Variants in ZEB2 observed in about 807,000 individuals in gnomAD.
The protein encoded by ZEB2 is zinc finger E-box binding homeobox 2, also known as zinc finger E-box-binding homeobox 2.
In ZEB2, 6 loss-of-function variants were observed where a neutral mutation model predicts 99.9. The ratio of observed to expected loss-of-function variants is 0.06; its 90% CI spans 0.03 to 0.12. The LOEUF is 0.12. Ranked by LOEUF, ZEB2 falls within the 10% of genes least tolerant of loss-of-function variation. The pLI is 1.00. For missense variants in ZEB2, 969 were observed against 1,502.8 expected (o/e 0.64, Z 5.87); for synonymous variants, 517 against 542.5 (o/e 0.95, Z 0.65).
chr2:144,405,336 C>T (rs1703372322), intron 4 of ZEB2: 1 of 332,642 alleles, frequency 3.0e-6, no homozygotes, highest in Non-Finnish European at 5.6e-6. Flanking sequence ...TTTAAAAAGC[C>T]AACAACTGCA....
intron 2 of ZEB2, among the ~76,000 whole-genome samples, chr2:144,438,295 G>C (rs1459415488): frequency 6.6e-6 from 1 of 152,166 alleles, no homozygotes; most frequent in African/African-American, 2.4e-5. Flanking sequence ...GTACCGTAAT[G>C]CTTCTACTCC....
At chr2:144,449,040 T>C (rs753637175) in intron 2 of ZEB2, among the ~76,000 whole-genome samples, 5 of 152,186 alleles carry the variant, frequency 3.3e-5, no homozygotes, top group Non-Finnish European at 5.9e-5. Context: ...GCCTTGGAAA[T>C]CCCTGAGAAG....
intron 2 of ZEB2, among the ~76,000 whole-genome samples, chr2:144,446,740 C>T (rs761856137): frequency 2.0e-5 from 3 of 151,888 alleles, no homozygotes; most frequent in Non-Finnish European, 2.9e-5. Context: ...ATTGGCTGGA[C>T]GCGGTGGCTC....
intron 2 of ZEB2, among the ~76,000 whole-genome samples, chr2:144,434,473 C>T (rs1050050470): frequency 4.6e-5 from 7 of 152,098 alleles, no homozygotes; most frequent in Admixed American, 3.3e-4. Context: ...TTGTCAAAGG[C>T]CGTACAGCTA....
At chr2:144,471,992 T>C (rs185955691) in intron 2 of ZEB2, among the ~76,000 whole-genome samples, 142 of 152,262 alleles carry the variant, frequency 9.3e-4, no homozygotes, top group Non-Finnish European at 1.6e-3. Flanking sequence ...AATAAGTATG[T>C]AGAACACTTA....
At position 144,387,301 on chromosome 2, in the gene ZEB2, A is replaced by G. The variant is rs1482591336; in HGVS notation, c.*2150T>C. The stretch of plus-strand genomic sequence containing the variant: ...TATATTATAGTTCTGTATATTCAAG[A>G]GCTGTAAATTTGATAAGGTAATCTG... On this transcript the variant is annotated 3_prime_UTR_variant, in exon 10 of 10. Coordinates refer to ENST00000627532, the MANE Select transcript of ZEB2 (RefSeq NM_014795.4). The G allele has an allele frequency of 6.6e-6, 1 of 152,024 alleles. No homozygotes were observed. The highest frequency in any genetic ancestry group is 2.4e-5 in the African/African-American group (1 of 41,398). The allele number at this position is 152,024 out of a possible 1,614,324, so 9.4% of individuals were successfully genotyped here. A position where few individuals can be genotyped will look rare whatever the true frequency, so the allele number is the denominator to read the frequency against.
In ZEB2 at chr2:144,396,661, G is replaced by C. The variant is rs1181481822; in HGVS notation, c.2887-69C>G. On this transcript the variant is annotated intron_variant, in intron 8 of 9. Transcript: ENST00000627532. ...GCTCACACCAAACAACTTCACATAGGGGGACATTTGGAGAACCTCAAAATT... is the reference window on the plus strand; with the variant it reads ...GCTCACACCAAACAACTTCACATAGCGGGACATTTGGAGAACCTCAAAATT... 7 of 1,537,236 alleles carry C rather than the reference G, an allele frequency of 4.6e-6. No homozygotes were observed. In the East Asian group the frequency reaches 1.2e-4, roughly 26 times the overall value.
chr2:144,514,908 T>C (rs1034819062), intron 2 of ZEB2, among the ~76,000 whole-genome samples: 6 of 152,226 alleles, frequency 3.9e-5, no homozygotes, highest in African/African-American at 1.2e-4. Flanking sequence ...GGGGAAATAC[T>C]TGCAGTGTCC....
intron 4 of ZEB2, among the ~76,000 whole-genome samples, chr2:144,408,403 G>T (rs1317509505): frequency 6.6e-6 from 1 of 152,142 alleles, no homozygotes; most frequent in African/African-American, 2.4e-5. Flanking sequence ...TGTAGTAGTG[G>T]TCATAAATAC....
At chr2:144,515,372 CAG>C (rs1705115260) in intron 2 of ZEB2, among the ~76,000 whole-genome samples, 1 of 151,776 alleles carries the variant, frequency 6.6e-6, no homozygotes, top group Non-Finnish European at 1.5e-5. Context: ...ATAAAAGGAA[CAG>C]AGGAAACACA....
intron 2 of ZEB2, among the ~76,000 whole-genome samples, chr2:144,486,154 TAC>T (rs1183837737): frequency 6.6e-6 from 1 of 152,210 alleles, no homozygotes; most frequent in Non-Finnish European, 1.5e-5. Context: ...TACCTGAGTT[TAC>T]AAAATTTTAT....
At chr2:144,408,955 A>G (rs369004133) in intron 4 of ZEB2, among the ~76,000 whole-genome samples, 45 of 152,174 alleles carry the variant, frequency 3.0e-4, no homozygotes, top group African/African-American at 1.1e-3. Flanking sequence ...TTTTTCTGCC[A>G]AGTGACTGTA....
At position 144,399,332 on chromosome 2, in the gene ZEB2, T is replaced by C; in HGVS notation, c.1855A>G (p.Asn619Asp). The C allele has an allele frequency of 6.2e-7, 1 of 1,614,130 alleles. No individual in the cohort carries two copies. ...ACTCCGGCTTTGTTGGGGACTATGTTTTCATGAGGCTGCAGGACCGCCTTG... is the reference window on the plus strand; with the variant it reads ...ACTCCGGCTTTGTTGGGGACTATGTCTTCATGAGGCTGCAGGACCGCCTTG... ...EIKAVLQPHE[N>D]IVPNKAGVFV... Residue 619 changes from asparagine to aspartate, a missense_variant, in exon 8 of 10, where the codon AAC (asparagine) becomes GAC (aspartate). This residue lies in a region of ZEB2 where 346 missense variants were observed against 460.0 expected (regional missense o/e 0.75). Transcript: ENST00000627532. The surrounding 1 kb of genome is among the most constrained non-coding windows in gnomAD (Gnocchi z 5.6).
chr2:144,416,022 T>A (rs139869315), intron 4 of ZEB2, among the ~76,000 whole-genome samples: 3 of 152,210 alleles, frequency 2.0e-5, no homozygotes, highest in Admixed American at 2.0e-4. Flanking sequence ...GTGCTTAGGC[T>A]TTCTCTAATC....
Position 144,389,379 on chromosome 2 carries a change from C to T in ZEB2, c.*72G>A, listed in dbSNP as rs1703123922. 1 of 1,549,682 alleles carries T rather than the reference C, an allele frequency of 6.5e-7. No individual in the cohort carries two copies. The highest frequency in any genetic ancestry group is 2.2e-5 in the East Asian group (1 of 44,580). ...TCAGGCACGTGCATGAACAGCTTAACACAGCAGTGTTTTCAAGCAGGTAAC... is the reference window on the plus strand; with the variant it reads ...TCAGGCACGTGCATGAACAGCTTAATACAGCAGTGTTTTCAAGCAGGTAAC... On this transcript the variant is annotated 3_prime_UTR_variant, in exon 10 of 10. Coordinates refer to ENST00000627532, the MANE Select transcript of ZEB2 (RefSeq NM_014795.4). The surrounding 1 kb of genome is among the most constrained non-coding windows in gnomAD (Gnocchi z 6.8).
intron 2 of ZEB2, among the ~76,000 whole-genome samples, chr2:144,505,088 G>A (rs1019356124): frequency 1.3e-5 from 2 of 150,596 alleles, no homozygotes. Context: ...GGGAAAAAAC[G>A]CACACACAAA....
At chr2:144,442,457 C>G (rs1703929986) in intron 2 of ZEB2, among the ~76,000 whole-genome samples, 1 of 152,108 alleles carries the variant, frequency 6.6e-6, no homozygotes, top group South Asian at 2.1e-4. Flanking sequence ...CTGTTAGGCT[C>G]ACTCAATTTT....
chr2:144,420,099 A>T (rs1468983265), intron 4 of ZEB2, among the ~76,000 whole-genome samples: 1 of 152,180 alleles, frequency 6.6e-6, no homozygotes, highest in Non-Finnish European at 1.5e-5. Context: ...TCATTGATTC[A>T]TTCATTCATT....
chr2:144,434,379 A>G (rs573432981), intron 2 of ZEB2, among the ~76,000 whole-genome samples: 1 of 152,318 alleles, frequency 6.6e-6, no homozygotes, highest in Admixed American at 6.5e-5. Flanking sequence ...GAGAAATATA[A>G]TCACAAAATT....
Sources: gnomAD v4.1 joint callset for allele counts (sites outside exome capture counted in the v4.1 genomes callset) on GRCh38, gnomAD v4.1.1 for gene constraint, gnomAD v4.1.1 regional missense constraint, Gnocchi (gnomAD v3.1) non-coding constraint, MANE v1.5 for transcripts, NCBI Gene and HGNC (gene_info 2026-07-23, HGNC 2026-07-21) for gene names.